Variants in ZNF667 observed in about 807,000 individuals in gnomAD.
ZNF667 encodes the protein zinc finger protein 667.
ZNF667 carries 13 observed loss-of-function variants against 31.8 expected under a neutral mutation model. That is an observed-to-expected ratio of 0.41 (90% CI 0.27 to 0.65). The LOEUF (loss-of-function observed/expected upper bound fraction) is 0.65. Ranked by LOEUF, ZNF667 falls within the 30% of genes least tolerant of loss-of-function variation. ZNF667 has a pLI of 0.32. For missense variants in ZNF667, 642 were observed against 725.6 expected, an observed-to-expected ratio of 0.88 and a Z score of 1.32; for synonymous variants, 228 against 247.1, an observed-to-expected ratio of 0.92 and a Z score of 0.73.
intron 6 of ZNF667, among the ~76,000 whole-genome samples, chr19:56,457,214 GAA>G (rs1442297657): frequency 6.6e-6 from 1 of 152,186 alleles, no homozygotes; most frequent in Non-Finnish European, 1.5e-5. Context: ...AACACTTGGA[GAA>G]AAGAGTTAAA....
intron 1 of ZNF667, chr19:56,475,856 C>T (rs374583382): frequency 2.6e-5 from 4 of 152,232 alleles, no homozygotes; most frequent in African/African-American, 9.7e-5. Flanking sequence ...CTCCCAGGAC[C>T]CTGCCTACAC....
At chr19:56,468,900 C>T (rs902532684) in intron 3 of ZNF667, 1 of 152,192 alleles carries the variant, frequency 6.6e-6, no homozygotes, top group Non-Finnish European at 1.5e-5. Flanking sequence ...TGAAGGAGCA[C>T]CTGCTGCCAT....
intron 1 of ZNF667, among the ~76,000 whole-genome samples, chr19:56,476,312 C>T (rs1294628029): frequency 6.6e-6 from 1 of 152,166 alleles, no homozygotes; most frequent in East Asian, 1.9e-4. Flanking sequence ...ATGCAGAAAA[C>T]TGACGACGCA....
At chr19:56,451,941 A>G (rs1414054655) in intron 6 of ZNF667, among the ~76,000 whole-genome samples, 2 of 151,458 alleles carry the variant, frequency 1.3e-5, no homozygotes, top group Middle Eastern at 3.2e-3. Flanking sequence ...TCTGACCACA[A>G]TGGAACAAAA....
intron 3 of ZNF667, chr19:56,467,953 T>C (rs1236437256): frequency 1.3e-5 from 2 of 152,198 alleles, no homozygotes; most frequent in East Asian, 3.9e-4. Flanking sequence ...TGGCCCTTGG[T>C]GATCAACTTA....
At chr19:56,465,590 G>T (rs964890278) in intron 3 of ZNF667, among the ~76,000 whole-genome samples, 3 of 152,242 alleles carry the variant, frequency 2.0e-5, no homozygotes, top group African/African-American at 4.8e-5. Flanking sequence ...TTCCAGATGG[G>T]AAGGTGGAAG....
At chr19:56,462,508 GACACACATGCACACATATGCACGTGC>G (rs1277010159) in intron 3 of ZNF667, 79 bp from the exon 4 acceptor site, 1 of 855,704 alleles carries the variant, frequency 1.2e-6, no homozygotes, top group Non-Finnish European at 2.0e-6. Flanking sequence ...CACACACACA[GACACACATGCACACATATGCACGTGC>G]ACACACACAC....
chr19:56,447,093 T>C (rs1267131545), intron 6 of ZNF667, among the ~76,000 whole-genome samples: 2 of 151,500 alleles, frequency 1.3e-5, no homozygotes, highest in Non-Finnish European at 1.5e-5. Context: ...TTTCTAACTA[T>C]GGAAATAAAA....
chr19:56,459,488 A>G (rs1039316176), intron 5 of ZNF667, among the ~76,000 whole-genome samples: 1 of 152,150 alleles, frequency 6.6e-6, no homozygotes, highest in Non-Finnish European at 1.5e-5. Context: ...TCAGAAGTAT[A>G]AACAAACCAG....
At chr19:56,454,118 A>G (rs1485280576) in intron 6 of ZNF667, among the ~76,000 whole-genome samples, 1 of 152,196 alleles carries the variant, frequency 6.6e-6, no homozygotes, top group Admixed American at 6.5e-5. Flanking sequence ...CCTAGGAATA[A>G]ACTTAACAAA....
chr19:56,451,505 AT>A (rs1283668019), intron 6 of ZNF667, among the ~76,000 whole-genome samples: 1 of 152,212 alleles, frequency 6.6e-6, no homozygotes, highest in African/African-American at 2.4e-5. Flanking sequence ...CAGGTTACAC[AT>A]TCTGCTCAGC....
rs910920917 is a variant in ZNF667, at chr19:56,458,247, C to A, written c.161G>T (p.Gly54Val). Residue 54 changes from glycine (G) to valine (V), a missense_variant and splice_region_variant, in exon 6 of 7, where the codon GGT becomes GTT. Physicochemically the swap from Gly to Val is moderately radical, Grantham distance 109. Coordinates refer to ENST00000504904, the MANE Select transcript of ZNF667 (RefSeq NM_001321356.2). Reference protein sequence around the residue: ...LENYRNLVSLGLSFRRPNVIT... With the variant: ...LENYRNLVSLVLSFRRPNVIT... ...CACATTTGGTCTCCGAAAGGAAAGACCTGTACGTGGGACAAACATGGGAAA... is the reference window on the plus strand; with the variant it reads ...CACATTTGGTCTCCGAAAGGAAAGAACTGTACGTGGGACAAACATGGGAAA... 2 of 1,613,580 alleles carry A rather than the reference C, an allele frequency of 1.2e-6. No homozygotes were observed. Among genetic ancestry groups the A allele is most frequent in the African/African-American group, 2.7e-5 (2 of 74,878 alleles).
intron 5 of ZNF667, among the ~76,000 whole-genome samples, chr19:56,459,324 A>G (rs1196516978): frequency 1.3e-5 from 2 of 152,070 alleles, no homozygotes; most frequent in African/African-American, 4.8e-5. Flanking sequence ...TCACCCTTCT[A>G]TTATCTGTTT....
intron 3 of ZNF667, chr19:56,467,626 A>G (rs1354372410): frequency 6.6e-6 from 1 of 152,268 alleles, no homozygotes; most frequent in African/African-American, 2.4e-5. Flanking sequence ...TCTGGACTTC[A>G]GGAATGTTTG....
chr19:56,469,199 G>A (rs1369420210), intron 3 of ZNF667, among the ~76,000 whole-genome samples: 1 of 152,218 alleles, frequency 6.6e-6, no homozygotes, highest in African/African-American at 2.4e-5. Flanking sequence ...AAGGAGCGCT[G>A]AAACATCAGC....
intron 2 of ZNF667, among the ~76,000 whole-genome samples, chr19:56,473,657 C>T (rs539456909): frequency 6.6e-6 from 1 of 152,228 alleles, no homozygotes; most frequent in East Asian, 1.9e-4. Flanking sequence ...GCCAGGGATG[C>T]TGCTCACCAT....
rs2042607109 is a variant in ZNF667, at chr19:56,441,736, C to T, written c.1259G>A (p.Cys420Tyr). ...TGCAGTTCCAGAAAACATCTTCCCA[C>T]ATTCCTTACACTCAAATAGTTTCTT... The part of the protein sequence containing the change: ...KKKKLFECKE[C>Y]GKMFSGTANL... The change falls in exon 7 of 7, where the codon TGT (cysteine) becomes TAT (tyrosine). Residue 420 changes from cysteine to tyrosine, a missense_variant. Transcript: ENST00000504904. The surrounding 1 kb of genome is among the most constrained non-coding windows in gnomAD (Gnocchi z 4.2). 6 of 1,614,168 alleles carry T rather than the reference C, an allele frequency of 3.7e-6. No individual in the cohort carries two copies. The highest frequency in any genetic ancestry group is 5.1e-6 in the Non-Finnish European group (6 of 1,180,014).
intron 1 of ZNF667, chr19:56,475,699 A>C (rs928889197): frequency 6.6e-5 from 10 of 152,190 alleles, no homozygotes; most frequent in Non-Finnish European, 1.3e-4. Context: ...CTGGACAGAA[A>C]CATTTCCAGA....
In ZNF667 at chr19:56,451,784, G is replaced by T. The variant is rs1419671309; in HGVS notation, c.253+6371C>A. 2.8e-5 allele frequency among the ~76,000 whole-genome samples: 4 copies of T among 143,802 alleles called. No individual in the cohort carries two copies. The East Asian group carries it at 8.8e-4, about 32-fold the overall frequency. The allele number at this position is 143,802 out of a possible 152,430, so 94.3% of individuals were successfully genotyped here. On this transcript the variant is annotated intron_variant, in intron 6 of 6. Coordinates refer to ENST00000504904, the MANE Select transcript of ZNF667 (RefSeq NM_001321356.2). Reference sequence around the variant, plus strand: ...CTCAGTAGGCCAAGGTGGGAATATTGCTTGAGCCTAGAAGGTTGAGGCTGC... The same window carrying T: ...CTCAGTAGGCCAAGGTGGGAATATTTCTTGAGCCTAGAAGGTTGAGGCTGC...
Sources: gnomAD v4.1 joint callset for allele counts (sites outside exome capture counted in the v4.1 genomes callset) on GRCh38, gnomAD v4.1.1 for gene constraint, Gnocchi (gnomAD v3.1) non-coding constraint, MANE v1.5 for transcripts, NCBI Gene and HGNC (gene_info 2026-07-23, HGNC 2026-07-21) for gene names.